Variants in CNTNAP2 observed in about 807,000 individuals in gnomAD.
The protein encoded by CNTNAP2 is contactin-associated protein-like 2.
CNTNAP2 carries 98 observed loss-of-function variants against 155.2 expected under a neutral mutation model. That is an observed-to-expected ratio of 0.63 (90% CI 0.54 to 0.75). The LOEUF (loss-of-function observed/expected upper bound fraction) is 0.75, where lower values mean the gene tolerates loss of function less well. CNTNAP2 is among the 30% of genes least tolerant of loss of function. The pLI is 0.00. For synonymous variants in CNTNAP2, 651 were observed against 631.2 expected, an observed-to-expected ratio of 1.03 and a Z score of -0.47; for missense variants, 1,727 against 1,688.1, an observed-to-expected ratio of 1.02 and a Z score of -0.40.
At chr7:146,455,649 C>G (rs1160909586) in intron 1 of CNTNAP2, among the ~76,000 whole-genome samples, 3 of 152,030 alleles carry the variant, frequency 2.0e-5, no homozygotes, top group Non-Finnish European at 4.4e-5. Context: ...AAGGGAGAAA[C>G]CACTGTGTGG....
At chr7:146,901,945 G>C (rs943436516) in intron 3 of CNTNAP2, among the ~76,000 whole-genome samples, 1 of 139,222 alleles carries the variant, frequency 7.2e-6, no homozygotes, top group Non-Finnish European at 1.5e-5. Context: ...GTGCGATCTC[G>C]GCTCACTGCA....
intron 3 of CNTNAP2, among the ~76,000 whole-genome samples, chr7:147,015,548 C>G (rs1798710039): frequency 6.6e-6 from 1 of 151,920 alleles, no homozygotes; most frequent in South Asian, 2.1e-4. Flanking sequence ...ATGGCTTATT[C>G]ATAAAAGAGA....
chr7:146,198,772 G>T (rs1189108926), intron 1 of CNTNAP2, among the ~76,000 whole-genome samples: 2 of 151,426 alleles, frequency 1.3e-5, no homozygotes, highest in Non-Finnish European at 2.9e-5. Flanking sequence ...CCCTGGCATA[G>T]AACTTTTTTT....
chr7:147,312,066 G>T (rs569008267), intron 9 of CNTNAP2, among the ~76,000 whole-genome samples: 21 of 151,906 alleles, frequency 1.4e-4, no homozygotes, highest in South Asian at 2.1e-4. Flanking sequence ...AAAAAGATCA[G>T]ATTTTAAAAT....
At position 146,556,365 on chromosome 7, in the gene CNTNAP2, A is replaced by T. The variant is rs114653699; in HGVS notation, c.98-217906A>T. ...TGTGTGACTTTGGATGAATTGCTTAATCTCACCTTGTTTTAAGTGAGATAA... is the reference window on the plus strand; with the variant it reads ...TGTGTGACTTTGGATGAATTGCTTATTCTCACCTTGTTTTAAGTGAGATAA... On this transcript the variant is annotated intron_variant, in intron 1 of 23. Transcript: ENST00000361727. Among the ~76,000 whole-genome samples the T allele has an allele frequency of 4.6e-3, 700 of 152,300 alleles. 5 individuals carry two copies. Among genetic ancestry groups the T allele is most frequent in the African/African-American group, 0.016 (653 of 41,566 alleles).
intron 14 of CNTNAP2, among the ~76,000 whole-genome samples, chr7:147,925,769 G>A (rs1233966185): frequency 2.0e-5 from 3 of 152,136 alleles, no homozygotes; most frequent in African/African-American, 7.2e-5. Flanking sequence ...CCATTCTGTG[G>A]ATTTTAACAA....
intron 14 of CNTNAP2, among the ~76,000 whole-genome samples, chr7:147,943,067 A>G (rs1453223565): frequency 6.6e-6 from 1 of 151,966 alleles, no homozygotes. Flanking sequence ...TTCCAACAGC[A>G]GTTCTCCTGG....
At chr7:146,169,490 A>AT (rs1156636953) in intron 1 of CNTNAP2, among the ~76,000 whole-genome samples, 8 of 152,268 alleles carry the variant, frequency 5.3e-5, no homozygotes, top group Non-Finnish European at 1.2e-4. Flanking sequence ...TAGTTACCTT[A>AT]TTTTTTGTGA....
intron 1 of CNTNAP2, among the ~76,000 whole-genome samples, chr7:146,305,504 A>G (rs1484359563): frequency 6.6e-6 from 1 of 151,816 alleles, no homozygotes; most frequent in Non-Finnish European, 1.5e-5. Context: ...AACATTCAGG[A>G]CCCTCAGCTG....
intron 21 of CNTNAP2, among the ~76,000 whole-genome samples, chr7:148,341,730 G>A (rs1798239453): frequency 6.6e-6 from 1 of 152,150 alleles, no homozygotes; most frequent in Admixed American, 6.5e-5. Context: ...AAATAAATTA[G>A]CGTGGCTTTG....
chr7:147,274,430 A>G (rs1804845823), intron 8 of CNTNAP2, among the ~76,000 whole-genome samples: 1 of 152,118 alleles, frequency 6.6e-6, no homozygotes, highest in African/African-American at 2.4e-5. Context: ...ACTGATGTTG[A>G]GCACATTTTT....
intron 1 of CNTNAP2, among the ~76,000 whole-genome samples, chr7:146,762,174 A>G (rs1802113352): frequency 6.6e-6 from 1 of 152,192 alleles, no homozygotes; most frequent in African/African-American, 2.4e-5. Flanking sequence ...AGAAATTTTA[A>G]TAGAATCATG....
intron 3 of CNTNAP2, among the ~76,000 whole-genome samples, chr7:146,843,777 A>G (rs537642112): frequency 4.6e-5 from 7 of 152,282 alleles, no homozygotes; most frequent in Non-Finnish European, 1.0e-4. Context: ...TAAAAATGAT[A>G]TTAAATACTA....
intron 12 of CNTNAP2, among the ~76,000 whole-genome samples, chr7:147,580,115 C>T (rs1373274828): frequency 1.3e-5 from 2 of 152,216 alleles, no homozygotes; most frequent in African/African-American, 2.4e-5. Flanking sequence ...CCCAAGTACT[C>T]TTCATTCCCA....
chr7:146,605,670 A>T (rs562543188), intron 1 of CNTNAP2, among the ~76,000 whole-genome samples: 111 of 152,304 alleles, frequency 7.3e-4, no homozygotes, highest in African/African-American at 2.5e-3. Context: ...TATTTTAATT[A>T]TTAGCATTTG....
intron 14 of CNTNAP2, among the ~76,000 whole-genome samples, chr7:147,958,800 G>A (rs1368663245): frequency 6.6e-6 from 1 of 152,028 alleles, no homozygotes; most frequent in Non-Finnish European, 1.5e-5. Context: ...TTTGTCTGCT[G>A]GCCAAATTAA....
intron 21 of CNTNAP2, among the ~76,000 whole-genome samples, chr7:148,340,040 C>G (rs1798201558): frequency 6.7e-6 from 1 of 150,116 alleles, no homozygotes; most frequent in African/African-American, 2.5e-5. Context: ...ATGGTGTGAA[C>G]TGTTAAATGT....
chr7:147,233,895 T>C (rs1803739732), intron 8 of CNTNAP2, among the ~76,000 whole-genome samples: 1 of 152,126 alleles, frequency 6.6e-6, no homozygotes, highest in Non-Finnish European at 1.5e-5. Flanking sequence ...AATTATTTGC[T>C]ATATTCACTC....
At chr7:146,301,697 T>G (rs1291699394) in intron 1 of CNTNAP2, among the ~76,000 whole-genome samples, 5 of 152,120 alleles carry the variant, frequency 3.3e-5, no homozygotes, top group African/African-American at 4.8e-5. Flanking sequence ...ACTGCCTACC[T>G]ATAATGTCCA....
Sources: gnomAD v4.1 joint callset for allele counts (sites outside exome capture counted in the v4.1 genomes callset) on GRCh38, gnomAD v4.1.1 for gene constraint, MANE v1.5 for transcripts, NCBI Gene and HGNC (gene_info 2026-07-23, HGNC 2026-07-21) for gene names.